Variants in DTNB observed in about 807,000 individuals in gnomAD.
DTNB encodes DTN-B.
In DTNB, 63 loss-of-function variants were observed where a neutral mutation model predicts 90.7. The ratio of observed to expected loss-of-function variants is 0.69; its 90% confidence interval spans 0.57 to 0.86. The LOEUF is 0.86. Among genes scored for constraint, DTNB ranks in the 40% least tolerant of loss-of-function variants. The pLI, the probability that DTNB is intolerant of heterozygous loss-of-function variation, is 0.00. For synonymous variants in DTNB, 277 were observed against 286.7 expected (o/e 0.97, Z 0.34); for missense variants, 744 against 807.1 (o/e 0.92, Z 0.95).
At chr2:25,509,051 T>C (rs1049637699) in intron 9 of DTNB, among the ~76,000 whole-genome samples, 13 of 152,346 alleles carry the variant, frequency 8.5e-5, no homozygotes, top group African/African-American at 3.1e-4. Context: ...GTTCTAGTAC[T>C]TTGCTTTGTA....
At chr2:25,439,575 T>C (rs1047300602) in intron 12 of DTNB, among the ~76,000 whole-genome samples, 2 of 152,154 alleles carry the variant, frequency 1.3e-5, no homozygotes, top group African/African-American at 4.8e-5. Flanking sequence ...TTTCTGTAAA[T>C]CTAAAACTTT....
chr2:25,466,561 G>A (rs191151077), intron 10 of DTNB, among the ~76,000 whole-genome samples: 12 of 152,266 alleles, frequency 7.9e-5, no homozygotes, highest in East Asian at 3.9e-4. Context: ...TCCTGTGGCC[G>A]AGTCACTCAG....
intron 1 of DTNB, among the ~76,000 whole-genome samples, chr2:25,653,435 A>T (rs539570119): frequency 4.9e-4 from 73 of 149,342 alleles, no homozygotes; most frequent in Admixed American, 1.7e-3. Flanking sequence ...TTTTTTTTAA[A>T]AAAAAAAAAA....
At position 25,483,088 on chromosome 2, in the gene DTNB, C is replaced by T. The variant is rs115796909; in HGVS notation, c.1002-215G>A. Among the ~76,000 whole-genome samples the T allele has an allele frequency of 1.6e-3, 249 of 151,998 alleles. 2 individuals carry two copies. Among genetic ancestry groups the T allele is most frequent in the Non-Finnish European group, 3.1e-3 (211 of 67,956 alleles). On this transcript the variant is annotated intron_variant, in intron 9 of 20. Transcript: ENST00000406818. ...AACCCTTGGGGAGGGGGGTAGAAAT[C>T]GATACTTCAAGCCTAAGTAAATTCA...
intron 5 of DTNB, among the ~76,000 whole-genome samples, chr2:25,605,638 T>C (rs1309430563): frequency 2.0e-5 from 3 of 152,230 alleles, no homozygotes; most frequent in African/African-American, 7.2e-5. Context: ...TCCAGAGTCA[T>C]CTAGAATACA....
chr2:25,420,812 T>C (rs1386542755), intron 15 of DTNB, among the ~76,000 whole-genome samples: 5 of 152,194 alleles, frequency 3.3e-5, no homozygotes, highest in African/African-American at 1.2e-4. Flanking sequence ...CTTATGGTGA[T>C]GGAACACAGA....
At chr2:25,487,640 G>A (rs556901914) in intron 9 of DTNB, among the ~76,000 whole-genome samples, 57 of 152,282 alleles carry the variant, frequency 3.7e-4, no homozygotes, top group Admixed American at 9.1e-4. Flanking sequence ...GGCAAGAATC[G>A]TCATGGAAGG....
chr2:25,457,826 T>A (rs2060278846), intron 10 of DTNB, among the ~76,000 whole-genome samples: 1 of 152,112 alleles, frequency 6.6e-6, no homozygotes, highest in South Asian at 2.1e-4. Flanking sequence ...TTCCTGTGCA[T>A]GATGTTAATT....
chr2:25,595,735 T>C (rs975969226), intron 6 of DTNB, among the ~76,000 whole-genome samples: 1 of 152,242 alleles, frequency 6.6e-6, no homozygotes, highest in South Asian at 2.1e-4. Flanking sequence ...CAATGCAGTA[T>C]TGTTACAGTT....
intron 1 of DTNB, among the ~76,000 whole-genome samples, chr2:25,655,082 G>A (rs1230443176): frequency 6.6e-6 from 1 of 152,218 alleles, no homozygotes; most frequent in Non-Finnish European, 1.5e-5. Flanking sequence ...AGGTCTAACT[G>A]TCCAGTTTCT....
At chr2:25,422,337 T>C (rs1024146423) in intron 15 of DTNB, among the ~76,000 whole-genome samples, 2 of 151,904 alleles carry the variant, frequency 1.3e-5, no homozygotes, top group East Asian at 1.9e-4. Context: ...GCAAATGAGG[T>C]TGAAATTCAA....
chr2:25,531,851 T>C (rs2078268262), intron 8 of DTNB, among the ~76,000 whole-genome samples: 1 of 152,218 alleles, frequency 6.6e-6, no homozygotes, highest in African/African-American at 2.4e-5. Flanking sequence ...TCAACTTTCC[T>C]TCTGGACATC....
intron 12 of DTNB, among the ~76,000 whole-genome samples, chr2:25,445,561 G>A (rs952850499): frequency 6.6e-6 from 1 of 152,154 alleles, no homozygotes; most frequent in African/African-American, 2.4e-5. Context: ...CAAAATGGAC[G>A]TACTGGTTTG....
intron 10 of DTNB, among the ~76,000 whole-genome samples, chr2:25,467,603 C>T (rs1420987737): frequency 6.6e-6 from 1 of 152,122 alleles, no homozygotes; most frequent in African/African-American, 2.4e-5. Flanking sequence ...TAGCGCCCAG[C>T]CTTGTAATCA....
In DTNB at chr2:25,606,683, T is replaced by C. The variant is rs374118827; in HGVS notation, c.448+553A>G. On this transcript the variant is annotated intron_variant, in intron 5 of 20. Transcript: ENST00000406818. Reference sequence around the variant, plus strand: ...TTGATTTCATCTAATCACCTTCTTATAGTATCTAATGAATGGTAAAATGCC... The same window carrying C: ...TTGATTTCATCTAATCACCTTCTTACAGTATCTAATGAATGGTAAAATGCC... Among the ~76,000 whole-genome samples, 6 of 152,274 alleles carry C rather than the reference T, an allele frequency of 3.9e-5. No homozygotes were observed. In the South Asian group the frequency reaches 1.0e-3, roughly 26 times the overall value.
chr2:25,514,037 A>T (rs1575269124), intron 9 of DTNB, among the ~76,000 whole-genome samples: 1 of 152,030 alleles, frequency 6.6e-6, no homozygotes, highest in East Asian at 1.9e-4. Context: ...CAAAGAACTT[A>T]CAGTCTAATA....
At chr2:25,527,740 T>G (rs1034011730) in intron 9 of DTNB, among the ~76,000 whole-genome samples, 3 of 152,212 alleles carry the variant, frequency 2.0e-5, no homozygotes, top group African/African-American at 7.2e-5. Flanking sequence ...TAATTGTTTT[T>G]TAAAAATGGA....
intron 4 of DTNB, among the ~76,000 whole-genome samples, chr2:25,611,187 T>G (rs1365638716): frequency 6.6e-6 from 1 of 152,272 alleles, no homozygotes; most frequent in Non-Finnish European, 1.5e-5. Context: ...TGCAGCATTC[T>G]GTTGTATGAA....
intron 6 of DTNB, among the ~76,000 whole-genome samples, chr2:25,588,493 G>A (rs867519206): frequency 3.1e-4 from 47 of 152,008 alleles, no homozygotes; most frequent in African/African-American, 1.0e-3. Flanking sequence ...AGCCTCCCAA[G>A]TAGCTGGGAC....
Sources: allele counts gnomAD v4.1 joint callset (sites outside exome capture counted in the v4.1 genomes callset), GRCh38; gene constraint gnomAD v4.1.1; transcripts MANE v1.5; gene names NCBI Gene and HGNC (gene_info 2026-07-23, HGNC 2026-07-21).